EIF2AK3: variants seen among roughly 807,000 people sequenced by gnomAD.
EIF2AK3 encodes eukaryotic translation initiation factor 2 alpha kinase 3, also known as eukaryotic translation initiation factor 2-alpha kinase 3.
A neutral mutation model predicts 113.5 loss-of-function variants in EIF2AK3; 50 were observed. That is an observed-to-expected ratio of 0.44 (90% CI 0.35 to 0.56). The LOEUF (loss-of-function observed/expected upper bound fraction) is 0.56, where lower values mean the gene tolerates loss of function less well. Among genes scored for constraint, EIF2AK3 ranks in the 20% least tolerant of loss-of-function variants. The pLI is 0.00. For missense variants in EIF2AK3, 1,185 were observed against 1,378.0 expected (o/e 0.86, Z 2.22); for synonymous variants, 448 against 495.4 (o/e 0.90, Z 1.27).
chr2:88,626,189 A>G (rs1478691039), intron 1 of EIF2AK3, among the ~76,000 whole-genome samples: 1 of 152,216 alleles, frequency 6.6e-6, no homozygotes, highest in Non-Finnish European at 1.5e-5. Flanking sequence ...ATCACCTTGA[A>G]GTAACATTTT....
chr2:88,615,246 C>T (rs929572934), intron 1 of EIF2AK3, among the ~76,000 whole-genome samples: 1 of 152,226 alleles, frequency 6.6e-6, no homozygotes, highest in Non-Finnish European at 1.5e-5. Flanking sequence ...ACAGAGCTCC[C>T]CCTTACGCAT....
chr2:88,592,395 G>T (rs1674909868), intron 4 of EIF2AK3, among the ~76,000 whole-genome samples: 1 of 152,142 alleles, frequency 6.6e-6, no homozygotes. Flanking sequence ...ATAAGTTCAA[G>T]CTCAAAGAAA....
chr2:88,569,946 T>C (rs1045101077), intron 14 of EIF2AK3, among the ~76,000 whole-genome samples: 1 of 151,648 alleles, frequency 6.6e-6, no homozygotes, highest in Non-Finnish European at 1.5e-5. Context: ...CAAAAGCAGA[T>C]AGAAGAATGT....
rs568131095 is a variant in EIF2AK3 at position 88,568,109 on chromosome 2, A to G, written c.2985+2765T>C. Among the ~76,000 whole-genome samples the G allele has an allele frequency of 5.3e-5, 8 of 152,338 alleles. No individual in the cohort carries two copies. The East Asian group carries it at 1.5e-3, about 29-fold the overall frequency. ...ATTGCAAAAAAGAAACACTTGACTAAGGTAAACAATGCAAACACTTCAAAA... is the reference window on the plus strand; with the variant it reads ...ATTGCAAAAAAGAAACACTTGACTAGGGTAAACAATGCAAACACTTCAAAA... On this transcript the variant is annotated intron_variant, in intron 14 of 16. Coordinates refer to ENST00000303236, the MANE Select transcript of EIF2AK3 (RefSeq NM_004836.7).
In EIF2AK3 at chr2:88,572,500, G is replaced by A. The variant is rs1378766050; in HGVS notation, c.2818-1459C>T. Among the ~76,000 whole-genome samples, 4 of 152,096 alleles carry A rather than the reference G, an allele frequency of 2.6e-5. 1 individual carries two copies. The South Asian group carries it at 8.3e-4, about 31-fold the overall frequency. Reference sequence around the variant, plus strand: ...TGGGTAGGTGTCCTTGGTTTAAGTAGAATAAAATTTCTGATAGTGGGAAAA... The same window carrying A: ...TGGGTAGGTGTCCTTGGTTTAAGTAAAATAAAATTTCTGATAGTGGGAAAA... On this transcript the variant is annotated intron_variant, in intron 13 of 16. Coordinates refer to ENST00000303236, the MANE Select transcript of EIF2AK3 (RefSeq NM_004836.7).
At chr2:88,601,452 G>C (rs549519518) in intron 2 of EIF2AK3, among the ~76,000 whole-genome samples, 1 of 152,312 alleles carries the variant, frequency 6.6e-6, no homozygotes, top group Non-Finnish European at 1.5e-5. Context: ...CCTAATGCCT[G>C]TTTTGTAAGA....
intron 6 of EIF2AK3, among the ~76,000 whole-genome samples, chr2:88,589,658 AAT>A (rs1674832575): frequency 6.7e-6 from 1 of 149,552 alleles, no homozygotes; most frequent in African/African-American, 2.4e-5. Flanking sequence ...TTATATATGT[AAT>A]ACATATATGT....
intron 2 of EIF2AK3, among the ~76,000 whole-genome samples, chr2:88,606,410 C>G (rs941665494): frequency 6.6e-6 from 1 of 152,012 alleles, no homozygotes; most frequent in African/African-American, 2.4e-5. Context: ...TTCAGCCATG[C>G]TAAGGGATTA....
chr2:88,627,208 G>A lies in EIF2AK3; in HGVS notation c.67C>T (p.Leu23Phe). 1.4e-6 allele frequency: 2 copies of A among 1,403,058 alleles called. No homozygotes were observed. Among genetic ancestry groups the A allele is most frequent in the South Asian group, 1.3e-5 (1 of 75,986 alleles). 86.9% of individuals were successfully genotyped at this position (1,403,058 alleles called of 1,614,324 possible). A position where few individuals can be genotyped will look rare whatever the true frequency, so the allele number is the denominator to read the frequency against. ...CCCGCGGCCACCGTCCTTGCCGCGAGCCCCAGCAGCAGCAGCAGCAGCAGC... is the reference window on the plus strand; with the variant it reads ...CCCGCGGCCACCGTCCTTGCCGCGAACCCCAGCAGCAGCAGCAGCAGCAGC... The part of the protein sequence containing the change: ...ALLLLLLLLG[L>F]AARTVAAGRA... The change falls in exon 1 of 17, where the codon CTC becomes TTC. Residue 23 changes from leucine to phenylalanine, a missense_variant. By Grantham distance (22) the Leu-to-Phe change is conservative (BLOSUM62 0). Transcript: ENST00000303236.
chr2:88,627,255 G>A lies in EIF2AK3; in HGVS notation c.20C>T (p.Pro7Leu), dbSNP rs1038519173. MERAIS[P>L]GLLVRALLLL... ...CAGCAGCGCCCGTACCAGCAGCCCC[G>A]GGCTGATGGCGCGCTCCATCAGCGT... The change falls in exon 1 of 17, where the codon CCG (proline) becomes CTG (leucine). Residue 7 changes from proline to leucine, a missense_variant. Coordinates refer to ENST00000303236, the MANE Select transcript of EIF2AK3 (RefSeq NM_004836.7). The A allele has an allele frequency of 1.3e-6, 2 of 1,485,214 alleles. No individual in the cohort carries two copies. Among genetic ancestry groups the A allele is most frequent in the African/African-American group, 1.5e-5 (1 of 68,612 alleles). 92.0% of individuals were successfully genotyped at this position (1,485,214 alleles called of 1,614,324 possible). A position where few individuals can be genotyped will look rare whatever the true frequency, so the allele number is the denominator to read the frequency against.
intron 11 of EIF2AK3, among the ~76,000 whole-genome samples, chr2:88,577,456 GCTAT>G (rs1238147975): frequency 2.0e-4 from 30 of 150,544 alleles, no homozygotes; most frequent in African/African-American, 7.3e-4. Context: ...GGTGCTACAA[GCTAT>G]CTTTTTTTTT....
At chr2:88,607,516 T>C (rs933276737) in intron 2 of EIF2AK3, among the ~76,000 whole-genome samples, 1 of 152,202 alleles carries the variant, frequency 6.6e-6, no homozygotes, top group Non-Finnish European at 1.5e-5. Context: ...TTTCAGGAGA[T>C]AGTGGCAAAT....
rs1432367308 is a variant in EIF2AK3 at position 88,588,957 on chromosome 2, T to C, written c.1166-56A>G. 3.2e-6 allele frequency: 5 copies of C among 1,577,758 alleles called. No homozygotes were observed. The Admixed American group carries it at 6.7e-5, about 21-fold the overall frequency. ...ATTGATTTTTTTAAAAAGGTTTTTT[T>C]AATTAAATAAAATTACATTAATTCC... On this transcript the variant is annotated intron_variant, in intron 6 of 16. Coordinates refer to ENST00000303236, the MANE Select transcript of EIF2AK3 (RefSeq NM_004836.7).
intron 12 of EIF2AK3, 116 bp from the exon 13 acceptor site, chr2:88,575,562 A>G: frequency 3.9e-6 from 4 of 1,016,444 alleles, no homozygotes; most frequent in Non-Finnish European, 6.0e-6. Context: ...CCAAATGACA[A>G]CAAAACAACA....
chr2:88,620,016 T>G lies in EIF2AK3; in HGVS notation c.309-6163A>C, dbSNP rs144455285. ...TTACCACAGCTCTTGCTCTAGAAGA[T>G]TCTCATTTCTCATCAGAACACCTTA... On this transcript the variant is annotated intron_variant, in intron 1 of 16. Transcript: ENST00000303236. Among the ~76,000 whole-genome samples the G allele has an allele frequency of 9.0e-4, 137 of 152,018 alleles. 1 individual carries two copies. Among genetic ancestry groups the G allele is most frequent in the Non-Finnish European group, 1.4e-3 (94 of 67,972 alleles).
Position 88,556,996 on chromosome 2 carries a change from A to C in EIF2AK3, c.*740T>G, listed in dbSNP as rs1305302737. 6 of 152,276 alleles carry C rather than the reference A, an allele frequency of 3.9e-5. 1 individual carries two copies. In the East Asian group the frequency reaches 1.2e-3, roughly 29 times the overall value. 9.4% of individuals were successfully genotyped at this position (152,276 alleles called of 1,614,324 possible). A position where few individuals can be genotyped will look rare whatever the true frequency, so the allele number is the denominator to read the frequency against. ...AGACACTTAAGATTTCATTAGGCTT[A>C]AAAAGTCCATAGTTGAAGAAGTTAG... On this transcript the variant is annotated 3_prime_UTR_variant, in exon 17 of 17. Transcript: ENST00000303236.
intron 10 of EIF2AK3, among the ~76,000 whole-genome samples, chr2:88,580,848 T>C (rs1041905527): frequency 2.0e-5 from 3 of 152,078 alleles, no homozygotes; most frequent in African/African-American, 4.8e-5. Context: ...ATTCCTTTCA[T>C]AGAAAATGAA....
chr2:88,593,067 A>G (rs930076722), intron 4 of EIF2AK3, among the ~76,000 whole-genome samples: 6 of 152,054 alleles, frequency 3.9e-5, no homozygotes, highest in Non-Finnish European at 7.4e-5. Flanking sequence ...GCTTGAACCC[A>G]GGAGGTGGAG....
At chr2:88,575,949 CAT>C (rs1405700228) in intron 12 of EIF2AK3, among the ~76,000 whole-genome samples, 1 of 152,234 alleles carries the variant, frequency 6.6e-6, no homozygotes, top group Non-Finnish European at 1.5e-5. Flanking sequence ...TCTATCTACA[CAT>C]GCTTCCTTTT....
Sources: gnomAD v4.1 joint callset for allele counts (sites outside exome capture counted in the v4.1 genomes callset) on GRCh38, gnomAD v4.1.1 for gene constraint, MANE v1.5 for transcripts, NCBI Gene and HGNC (gene_info 2026-07-23, HGNC 2026-07-21) for gene names.